PCDHGA5: variants seen among roughly 807,000 people sequenced by gnomAD.
The protein encoded by PCDHGA5 is protocadherin gamma-A5.
PCDHGA5 carries 36 observed loss-of-function variants against 56.7 expected under a neutral mutation model. The ratio of observed to expected loss-of-function variants is 0.64; its 90% CI spans 0.49 to 0.84. The LOEUF (loss-of-function observed/expected upper bound fraction) is 0.84, where lower values mean the gene tolerates loss of function less well. Ranked by LOEUF, PCDHGA5 falls within the 40% of genes least tolerant of loss-of-function variation. PCDHGA5 has a pLI of 0.00. For synonymous variants in PCDHGA5, 563 were observed against 520.2 expected, an observed-to-expected ratio of 1.08 and a Z score of -1.12; for missense variants, 1,305 against 1,201.5, an observed-to-expected ratio of 1.09 and a Z score of -1.27.
Position 141,431,756 on chromosome 5 carries a change from G to T in PCDHGA5, c.2422-63051G>T. The T allele has an allele frequency of 6.2e-7, 1 of 1,614,236 alleles. No individual in the cohort carries two copies. Among genetic ancestry groups the T allele is most frequent in the South Asian group, 1.1e-5 (1 of 91,088 alleles). On this transcript the variant is annotated intron_variant, in intron 1 of 3. Transcript: ENST00000518069. This position sits in a 1 kb window ranked among gnomAD's most constrained non-coding sequence, Gnocchi z 4.8. Reference sequence around the variant, plus strand: ...TGCAGGATATTCTGCGCGAGCCAAAGTCCTGATCACTGTTCTGGACGTGAA... The same window carrying T: ...TGCAGGATATTCTGCGCGAGCCAAATTCCTGATCACTGTTCTGGACGTGAA...
intron 1 of PCDHGA5, among the ~76,000 whole-genome samples, chr5:141,436,374 G>C (rs2154557079): frequency 6.6e-6 from 1 of 152,248 alleles, no homozygotes; most frequent in East Asian, 1.9e-4. Context: ...TCCAGTTTAA[G>C]CTGAATAGGC....
intron 1 of PCDHGA5, chr5:141,400,327 G>A: frequency 6.2e-7 from 1 of 1,614,074 alleles, no homozygotes. Context: ...GTCTGGACCT[G>A]TGGTTCCCCC....
chr5:141,424,246 A>G (rs971050268), intron 1 of PCDHGA5: 2 of 154,772 alleles, frequency 1.3e-5, no homozygotes, highest in African/African-American at 4.8e-5. Context: ...GTGGCTGGTA[A>G]TATGCTTAGA....
chr5:141,430,915 G>T, intron 1 of PCDHGA5: 1 of 1,607,738 alleles, frequency 6.2e-7, no homozygotes, highest in East Asian at 2.2e-5. Flanking sequence ...CCAGGGACCT[G>T]GGGCTGGAGC....
At chr5:141,370,198 C>G in intron 1 of PCDHGA5, 1 of 534,742 alleles carries the variant, frequency 1.9e-6, no homozygotes. Context: ...TAGTGCTGTG[C>G]AAAATATTGG....
chr5:141,478,920 C>T lies in PCDHGA5; in HGVS notation c.2422-15887C>T, dbSNP rs559060283. On this transcript the variant is annotated intron_variant, in intron 1 of 3. Transcript: ENST00000518069. Reference sequence around the variant, plus strand: ...GGAATAAGCTGCTGGATACCTCTAACCAGTGGCAGCTTCTAGGAATACAAA... The same window carrying T: ...GGAATAAGCTGCTGGATACCTCTAATCAGTGGCAGCTTCTAGGAATACAAA... 608 of 728,392 alleles carry T rather than the reference C, an allele frequency of 8.3e-4. 2 individuals are homozygous for T. The highest frequency in any genetic ancestry group is 1.2e-3 in the South Asian group (55 of 44,196). 45.1% of individuals were successfully genotyped at this position (728,392 alleles called of 1,614,324 possible).
intron 3 of PCDHGA5, among the ~76,000 whole-genome samples, chr5:141,506,700 G>GT (rs1446452157): frequency 2.0e-5 from 3 of 152,138 alleles, no homozygotes; most frequent in Admixed American, 1.3e-4. Context: ...ACCCAAACCC[G>GT]TTTTTTACTG....
chr5:141,392,548 T>C (rs1252345592), intron 1 of PCDHGA5: 1 of 344,860 alleles, frequency 2.9e-6, no homozygotes, highest in African/African-American at 2.1e-5. Context: ...AAGTAATCTG[T>C]ATCTCAGTGC....
At chr5:141,385,042 A>C (rs1308417984) in intron 1 of PCDHGA5, 1 of 1,614,150 alleles carries the variant, frequency 6.2e-7, no homozygotes, top group Non-Finnish European at 8.5e-7. Flanking sequence ...GCTGGCGCTC[A>C]GGCTGCGGCG....
At position 141,365,599 on chromosome 5, in the gene PCDHGA5, C is replaced by G. The variant is rs368039042; in HGVS notation, c.1269C>G (p.Thr423=). Residue 423 remains threonine, a synonymous_variant, in exon 1 of 4, where the codon ACC becomes ACG. Transcript: ENST00000518069. ...EETSDYNITL[T]VMDHGTPPLS... is the part of the protein sequence containing the mutation. ...CTTCAGATTATAATATCACTTTAAC[C>G]GTCATGGACCATGGAACCCCGCCCC... is the stretch of plus-strand genomic sequence containing the variant. 1.4e-4 allele frequency: 222 copies of G among 1,613,638 alleles called. 2 individuals carry two copies. In the South Asian group the frequency reaches 2.3e-3, roughly 17 times the overall value.
chr5:141,423,636 C>A, intron 1 of PCDHGA5: 1 of 1,598,388 alleles, frequency 6.3e-7, no homozygotes, highest in Non-Finnish European at 8.5e-7. Context: ...TCATTTTAGG[C>A]AAATGTGACC....
chr5:141,479,941 T>C (rs983830280), intron 1 of PCDHGA5, among the ~76,000 whole-genome samples: 2 of 152,194 alleles, frequency 1.3e-5, no homozygotes, highest in Admixed American at 6.5e-5. Context: ...TGCTATCAAC[T>C]CTTGGATTTG....
At position 141,490,293 on chromosome 5, in the gene PCDHGA5, ATTG is replaced by A; in HGVS notation, c.2422-4513_2422-4511del. The A allele has an allele frequency of 1.9e-6, 3 of 1,614,190 alleles. No individual in the cohort carries two copies. Among genetic ancestry groups the A allele is most frequent in the Non-Finnish European group, 2.5e-6 (3 of 1,180,028 alleles). On this transcript the variant is annotated intron_variant, in intron 1 of 3. Coordinates refer to ENST00000518069, the MANE Select transcript of PCDHGA5 (RefSeq NM_018918.3). The surrounding 1 kb of genome is among the most constrained non-coding windows in gnomAD (Gnocchi z 5.4). ...TCAATGACAATGCCCCAGAGGTGCTATTGGCCTCTTTGGCCAACCCTGTCCTAG... is the reference window on the plus strand; with the variant it reads ...TCAATGACAATGCCCCAGAGGTGCTAGCCTCTTTGGCCAACCCTGTCCTAG...
intron 1 of PCDHGA5, among the ~76,000 whole-genome samples, chr5:141,462,430 T>C (rs1471523013): frequency 2.0e-5 from 3 of 152,230 alleles, no homozygotes; most frequent in African/African-American, 4.8e-5. Flanking sequence ...TTGGTGAGTG[T>C]TGCTTACACA....
At chr5:141,410,821 C>A in intron 1 of PCDHGA5, 1 of 441,370 alleles carries the variant, frequency 2.3e-6, no homozygotes, top group Non-Finnish European at 3.8e-6. Context: ...AAAATAATGT[C>A]ACCAGACTGA....
At position 141,454,796 on chromosome 5, in the gene PCDHGA5, A is replaced by ATTTTT. The variant is rs61612330; in HGVS notation, c.2422-39986_2422-39982dup. ...AAGGAAATAATCCTCCATGGTTCTA[A>ATTTTT]TTTTTTTTTTTTTTTTTTTTTTTTT... On this transcript the variant is annotated intron_variant, in intron 1 of 3. Coordinates refer to ENST00000518069, the MANE Select transcript of PCDHGA5 (RefSeq NM_018918.3). 4.5e-3 allele frequency among the ~76,000 whole-genome samples: 350 copies of ATTTTT among 77,444 alleles called. 39 individuals are homozygous for ATTTTT. The highest frequency in any genetic ancestry group is 0.016 in the African/African-American group (266 of 16,872). The allele number at this position is 77,444 out of a possible 152,430, so 50.8% of individuals were successfully genotyped here.
At chr5:141,378,814 T>C (rs915920148) in intron 1 of PCDHGA5, 6 of 152,232 alleles carry the variant, frequency 3.9e-5, no homozygotes, top group Non-Finnish European at 8.8e-5. Flanking sequence ...AACAGAATCA[T>C]TGTTTCATGA....
At chr5:141,471,046 CTT>C (rs1170588345) in intron 1 of PCDHGA5, among the ~76,000 whole-genome samples, 2,578 of 113,210 alleles carry the variant, frequency 0.023, 53 homozygotes, top group East Asian at 0.11. Context: ...CCCAAGCCCT[CTT>C]TTTTTTTTTT....
At chr5:141,382,922 G>A (rs760288273) in intron 1 of PCDHGA5, 35 of 1,561,514 alleles carry the variant, frequency 2.2e-5, no homozygotes, top group Non-Finnish European at 2.9e-5. Context: ...CCGAGGGGCG[G>A]GGACTACAGA....
Sources: gnomAD v4.1 joint callset for allele counts (sites outside exome capture counted in the v4.1 genomes callset) on GRCh38, gnomAD v4.1.1 for gene constraint, Gnocchi (gnomAD v3.1) non-coding constraint, MANE v1.5 for transcripts, NCBI Gene and HGNC (gene_info 2026-07-23, HGNC 2026-07-21) for gene names.